USP53: variants seen among roughly 807,000 people sequenced by gnomAD.
USP53 encodes ubiquitin carboxyl-terminal hydrolase 53.
USP53 carries 71 observed loss-of-function variants against 94.9 expected under a neutral mutation model. The observed-to-expected ratio is 0.75, with a 90% CI of 0.62 to 0.91. USP53 has a LOEUF of 0.91. Among genes scored for constraint, USP53 ranks in the 40% least tolerant of loss-of-function variants. The probability of loss-of-function intolerance (pLI) is 0.00; values close to 1 mark genes in which losing one functional copy is unlikely to be tolerated. For missense variants in USP53, 1,173 were observed against 1,281.0 expected (o/e 0.92, Z 1.29); for synonymous variants, 375 against 422.7 (o/e 0.89, Z 1.39).
At chr4:119,232,810 G>A (rs1015299458) in intron 3 of USP53, among the ~76,000 whole-genome samples, 3 of 152,000 alleles carry the variant, frequency 2.0e-5, no homozygotes, top group African/African-American at 7.3e-5. Flanking sequence ...GATATTAAGG[G>A]TATGTTAGCT....
intron 3 of USP53, among the ~76,000 whole-genome samples, chr4:119,224,079 A>C (rs1744912863): frequency 6.6e-6 from 1 of 152,172 alleles, no homozygotes; most frequent in Non-Finnish European, 1.5e-5. Flanking sequence ...GGCTCACTGC[A>C]ACCATCATTT....
At position 119,294,113 on chromosome 4, in the gene USP53, T is replaced by C. The variant is rs1578595041; in HGVS notation, c.*902T>C. 6.6e-6 allele frequency: 1 copy of C among 152,056 alleles called. No homozygotes were observed. Among genetic ancestry groups the C allele is most frequent in the East Asian group, 1.9e-4 (1 of 5,192 alleles). The allele number at this position is 152,056 out of a possible 1,614,324, so 9.4% of individuals were successfully genotyped here. Reference sequence around the variant, plus strand: ...GAAATGTGAAAGGTCTTTATTTTGGTTTGGTTTACTTTGGGCTGCTAACCA... The same window carrying C: ...GAAATGTGAAAGGTCTTTATTTTGGCTTGGTTTACTTTGGGCTGCTAACCA... On this transcript the variant is annotated 3_prime_UTR_variant, in exon 19 of 19. Transcript: ENST00000692078.
In USP53 at chr4:119,285,724, A is replaced by C. The variant is rs553722029; in HGVS notation, c.2252-5441A>C. 3.9e-5 allele frequency among the ~76,000 whole-genome samples: 6 copies of C among 152,034 alleles called. No homozygotes were observed. In the South Asian group the frequency reaches 1.2e-3, roughly 31 times the overall value. On this transcript the variant is annotated intron_variant, in intron 17 of 18. Coordinates refer to ENST00000692078, the MANE Select transcript of USP53 (RefSeq NM_001371395.1). ...GGCAAACTACCAAGTTTGTTCATTTAAGATAAATACATTAGAAAGTATATT... is the reference window on the plus strand; with the variant it reads ...GGCAAACTACCAAGTTTGTTCATTTCAGATAAATACATTAGAAAGTATATT...
At chr4:119,288,706 G>A (rs1354851870) in intron 17 of USP53, among the ~76,000 whole-genome samples, 2 of 152,048 alleles carry the variant, frequency 1.3e-5, no homozygotes, top group Non-Finnish European at 2.9e-5. Context: ...GGAGGCCGAC[G>A]CTGGCGGATC....
At chr4:119,249,696 G>A (rs6814412) in intron 7 of USP53, among the ~76,000 whole-genome samples, 39,158 of 135,938 alleles carry the variant, frequency 0.29, 5,717 homozygotes, top group East Asian at 0.39. Context: ...ACAGAGTCTC[G>A]GTCTGTCACC....
chr4:119,280,067 C>T (rs979117850), intron 17 of USP53, among the ~76,000 whole-genome samples: 10 of 152,210 alleles, frequency 6.6e-5, no homozygotes, highest in Admixed American at 5.2e-4. Context: ...TCTTCTGCGT[C>T]GCTCACGCTG....
intron 11 of USP53, 47 bp downstream of exon 11, chr4:119,260,700 C>T (rs760406948): frequency 8.8e-6 from 14 of 1,597,572 alleles, no homozygotes; most frequent in Non-Finnish European, 1.2e-5. Flanking sequence ...TCAAATTCTT[C>T]TAAAACATCA....
At chr4:119,213,238 G>A (rs1743119736) in intron 1 of USP53, 1 of 152,520 alleles carries the variant, frequency 6.6e-6, no homozygotes, top group Non-Finnish European at 1.5e-5. Context: ...ACCCTTACTT[G>A]GCTCCTGCCC....
At position 119,255,417 on chromosome 4, in the gene USP53, C is replaced by T. The variant is rs527818604; in HGVS notation, c.373-829C>T. Among the ~76,000 whole-genome samples, 98 of 152,048 alleles carry T rather than the reference C, an allele frequency of 6.4e-4. 1 individual carries two copies. Among genetic ancestry groups the T allele is most frequent in the African/African-American group, 2.2e-3 (92 of 41,528 alleles). ...AGCTTCCCTGCTGCTTTGTTTACAC[C>T]GTGAGCAGAGAACCAGCTACTCACT... On this transcript the variant is annotated intron_variant, in intron 7 of 18. Coordinates refer to ENST00000692078, the MANE Select transcript of USP53 (RefSeq NM_001371395.1).
intron 12 of USP53, among the ~76,000 whole-genome samples, chr4:119,262,563 A>G (rs1233254421): frequency 1.3e-5 from 2 of 152,200 alleles, no homozygotes; most frequent in Non-Finnish European, 2.9e-5. Flanking sequence ...AGCAAAAGAA[A>G]ATATATTTAC....
intron 7 of USP53, among the ~76,000 whole-genome samples, chr4:119,252,718 T>G (rs2149361629): frequency 6.6e-6 from 1 of 152,334 alleles, no homozygotes; most frequent in East Asian, 1.9e-4. Flanking sequence ...AGGGTTTTTT[T>G]GTGTCTCTAT....
chr4:119,269,962 TA>T, intron 15 of USP53, 125 bp downstream of exon 15: 1 of 323,358 alleles, frequency 3.1e-6, no homozygotes, highest in Non-Finnish European at 4.8e-6. Context: ...CATAAATATA[TA>T]AGTTAAATAT....
Position 119,292,379 on chromosome 4 carries a change from C to T in USP53, c.2390C>T (p.Ser797Phe). Reference sequence around the variant, plus strand: ...GACAATGGAAAGTTATTTCCTTCATCCAGTCTACAAATACCCAAGGACCAT... The same window carrying T: ...GACAATGGAAAGTTATTTCCTTCATTCAGTCTACAAATACCCAAGGACCAT... ...HEDNGKLFPS[S>F]SLQIPKDHNA... The change falls in exon 19 of 19, where the codon TCC becomes TTC. Residue 797 changes from serine to phenylalanine, a missense_variant. Ser to Phe is a radical substitution (Grantham distance 155, BLOSUM62 -2). Coordinates refer to ENST00000692078, the MANE Select transcript of USP53 (RefSeq NM_001371395.1). The T allele has an allele frequency of 1.2e-6, 2 of 1,609,524 alleles. No homozygotes were observed. Among genetic ancestry groups the T allele is most frequent in the Non-Finnish European group, 1.7e-6 (2 of 1,178,608 alleles).
chr4:119,267,409 A>G lies in USP53; in HGVS notation c.1062A>G (p.Thr354=), dbSNP rs1028515422. ...LLLFYANPDG[T]AVSTEDALRQ... ...TGTTTTATGCAAACCCAGATGGCACAGCAGTTTCTACTGAGGATGCACTCA... is the reference window on the plus strand; with the variant it reads ...TGTTTTATGCAAACCCAGATGGCACGGCAGTTTCTACTGAGGATGCACTCA... Residue 354 remains threonine (T), a synonymous_variant, in exon 13 of 19, where the codon ACA becomes ACG. Coordinates refer to ENST00000692078, the MANE Select transcript of USP53 (RefSeq NM_001371395.1). 19 of 1,614,202 alleles carry G rather than the reference A, an allele frequency of 1.2e-5. No homozygotes were observed. The highest frequency in any genetic ancestry group is 1.6e-5 in the Non-Finnish European group (19 of 1,180,038).
intron 3 of USP53, among the ~76,000 whole-genome samples, chr4:119,229,143 A>G (rs1402321788): frequency 6.6e-6 from 1 of 152,198 alleles, no homozygotes. Context: ...ATTGCGTGCA[A>G]CATAGACTGT....
At position 119,292,993 on chromosome 4, in the gene USP53, T is replaced by A; in HGVS notation, c.3004T>A (p.Ser1002Thr). ...CAACACACCAAACTGTCCATCCAGC[T>A]CCTCAACTAACGATTTTCAGGCAAA... is the stretch of plus-strand genomic sequence containing the variant. The part of the protein sequence containing the change: ...FGNTPNCPSS[S>T]STNDFQANSG... Residue 1002 changes from serine (S) to threonine (T), a missense_variant, in exon 19 of 19, where the codon TCC becomes ACC. Ser to Thr is a moderately conservative substitution (Grantham distance 58, BLOSUM62 1). Coordinates refer to ENST00000692078, the MANE Select transcript of USP53 (RefSeq NM_001371395.1). The A allele has an allele frequency of 6.2e-7, 1 of 1,614,126 alleles. No individual in the cohort carries two copies. The highest frequency in any genetic ancestry group is 8.5e-7 in the Non-Finnish European group (1 of 1,179,968).
chr4:119,268,153 G>C (rs550758015), intron 13 of USP53, 115 bp from the exon 14 acceptor site: 4 of 1,028,538 alleles, frequency 3.9e-6, no homozygotes, highest in Non-Finnish European at 5.2e-6. Flanking sequence ...CGGCCTGGGC[G>C]ACAGAGCGAG....
At chr4:119,247,847 A>G (rs1307134594) in intron 6 of USP53, among the ~76,000 whole-genome samples, 1 of 152,230 alleles carries the variant, frequency 6.6e-6, no homozygotes, top group African/African-American at 2.4e-5. Context: ...GGCTAAAATA[A>G]TTATAGTTCT....
intron 4 of USP53, among the ~76,000 whole-genome samples, chr4:119,238,472 A>G (rs1393265113): frequency 1.3e-5 from 2 of 152,196 alleles, no homozygotes; most frequent in Non-Finnish European, 2.9e-5. Flanking sequence ...GAAAACAATT[A>G]CAATGGAAAC....
Sources: allele counts gnomAD v4.1 joint callset (sites outside exome capture counted in the v4.1 genomes callset), GRCh38; gene constraint gnomAD v4.1.1; transcripts MANE v1.5; gene names NCBI Gene and HGNC (gene_info 2026-07-23, HGNC 2026-07-21).